The following TFDP2 variants were observed in gnomAD, a reference collection of about 807,000 sequenced individuals.
TFDP2 encodes transcription factor Dp-2.
TFDP2 carries 17 observed loss-of-function variants against 59.3 expected under a neutral mutation model. The observed-to-expected ratio is 0.29, with a 90% CI of 0.20 to 0.43. The LOEUF is 0.43. Among genes scored for constraint, TFDP2 ranks in the 20% least tolerant of loss-of-function variants. The probability of loss-of-function intolerance (pLI) is 1.00; values close to 1 mark genes in which losing one functional copy is unlikely to be tolerated. For synonymous variants in TFDP2, 180 were observed against 194.7 expected, an observed-to-expected ratio of 0.92 and a Z score of 0.63; for missense variants, 391 against 528.8, an observed-to-expected ratio of 0.74 and a Z score of 2.56.
At chr3:141,964,580 A>G (rs970914843) in intron 9 of TFDP2, among the ~76,000 whole-genome samples, 2 of 152,208 alleles carry the variant, frequency 1.3e-5, no homozygotes, top group Non-Finnish European at 2.9e-5. Flanking sequence ...TGAATCCAGG[A>G]GGCAGAATTT....
rs553713217 is a variant in TFDP2 at position 142,092,587 on chromosome 3, G to T, written c.82+474C>A. Among the ~76,000 whole-genome samples, 6 of 152,240 alleles carry T rather than the reference G, an allele frequency of 3.9e-5. 1 individual carries two copies. The highest frequency in any genetic ancestry group is 1.4e-4 in the African/African-American group (6 of 41,516). On this transcript the variant is annotated intron_variant, in intron 3 of 12. Transcript: ENST00000489671. ...TTCTGCCTCGGCCTCCCAAAGTGCT[G>T]GGATTACAGGTGTGAGCCACTGCAC...
intron 1 of TFDP2, 123 bp downstream of exon 1, chr3:142,149,060 G>C (rs1448715187): frequency 2.5e-6 from 1 of 393,454 alleles, no homozygotes; most frequent in African/African-American, 2.1e-5. Context: ...GGTCTAAACA[G>C]ATGGGACTCG....
At chr3:142,118,806 C>T (rs558049693) in intron 1 of TFDP2, among the ~76,000 whole-genome samples, 8 of 152,154 alleles carry the variant, frequency 5.3e-5, no homozygotes, top group African/African-American at 1.9e-4. Flanking sequence ...GGAGGTTGAA[C>T]ATTAGTATTA....
At chr3:142,110,252 C>T (rs549871202) in intron 1 of TFDP2, among the ~76,000 whole-genome samples, 1 of 152,142 alleles carries the variant, frequency 6.6e-6, no homozygotes, top group African/African-American at 2.4e-5. Context: ...GTCTGTAATC[C>T]CAGCACTTTG....
At chr3:142,148,023 T>C (rs1296145549) in intron 1 of TFDP2, among the ~76,000 whole-genome samples, 3 of 148,020 alleles carry the variant, frequency 2.0e-5, no homozygotes, top group South Asian at 2.1e-4. Context: ...ATATAGAAAA[T>C]AGATGAATAT....
rs1050501337 is a variant in TFDP2 at position 142,149,510 on chromosome 3, C to T, written c.-420G>A. The T allele has an allele frequency of 5.9e-6, 2 of 339,560 alleles. No homozygotes were observed. Among genetic ancestry groups the T allele is most frequent in the African/African-American group, 2.1e-5 (1 of 46,936 alleles). The allele number at this position is 339,560 out of a possible 1,614,324, so 21.0% of individuals were successfully genotyped here. A position where few individuals can be genotyped will look rare whatever the true frequency, so the allele number is the denominator to read the frequency against. ...TGCCCAGCTACAGCCCCGCTTCCCC[C>T]GCGCGAGCTTTGGCGGCGGAGCAGC... On this transcript the variant is annotated 5_prime_UTR_variant, in exon 1 of 13. Transcript: ENST00000489671.
chr3:142,125,583 A>T (rs533163429), intron 1 of TFDP2, among the ~76,000 whole-genome samples: 32 of 152,308 alleles, frequency 2.1e-4, no homozygotes, highest in Non-Finnish European at 4.3e-4. Context: ...ATAACTGCGT[A>T]TCAATAGTAG....
At chr3:141,956,332 A>T (rs2107849671) in intron 11 of TFDP2, among the ~76,000 whole-genome samples, 1 of 152,268 alleles carries the variant, frequency 6.6e-6, no homozygotes, top group Non-Finnish European at 1.5e-5. Flanking sequence ...CGGGTGGATC[A>T]CCTGAGGTCA....
intron 1 of TFDP2, among the ~76,000 whole-genome samples, chr3:142,103,061 C>G (rs55781914): frequency 0.085 from 12,943 of 152,004 alleles, 691 homozygotes; most frequent in Middle Eastern, 0.14. Flanking sequence ...CATGGTGAAA[C>G]CCCTTCTCTA....
chr3:142,111,561 C>T (rs1052164067), intron 1 of TFDP2, among the ~76,000 whole-genome samples: 1 of 150,560 alleles, frequency 6.6e-6, no homozygotes, highest in Non-Finnish European at 1.5e-5. Context: ...AAAAAACACA[C>T]AAACTGAGTA....
At chr3:141,974,924 T>A (rs1186819822) in intron 7 of TFDP2, among the ~76,000 whole-genome samples, 2 of 144,080 alleles carry the variant, frequency 1.4e-5, no homozygotes, top group Non-Finnish European at 3.0e-5. Context: ...TTTTTTTTTT[T>A]TTTTTTTGAG....
At chr3:142,083,685 C>G (rs989804873) in intron 3 of TFDP2, among the ~76,000 whole-genome samples, 5 of 152,000 alleles carry the variant, frequency 3.3e-5, no homozygotes, top group African/African-American at 1.2e-4. Flanking sequence ...AATAGAGAAC[C>G]CAGAAATAAA....
intron 1 of TFDP2, among the ~76,000 whole-genome samples, chr3:142,116,899 T>C (rs2061869246): frequency 6.6e-6 from 1 of 152,148 alleles, no homozygotes; most frequent in Non-Finnish European, 1.5e-5. Context: ...CTTGGATTTT[T>C]CAGGTGTAAA....
At chr3:142,125,659 C>A (rs1329526256) in intron 1 of TFDP2, among the ~76,000 whole-genome samples, 2 of 152,042 alleles carry the variant, frequency 1.3e-5, no homozygotes, top group Non-Finnish European at 2.9e-5. Context: ...ATAGAGTGAC[C>A]TCCAGTATAA....
At chr3:142,096,024 G>A (rs931272274) in intron 2 of TFDP2, among the ~76,000 whole-genome samples, 7 of 152,098 alleles carry the variant, frequency 4.6e-5, no homozygotes, top group African/African-American at 9.7e-5. Context: ...CTGGGTTACC[G>A]TTATGCTTAA....
chr3:142,003,079 T>C (rs957564790), intron 4 of TFDP2, among the ~76,000 whole-genome samples: 2 of 151,850 alleles, frequency 1.3e-5, no homozygotes, highest in Non-Finnish European at 2.9e-5. Context: ...CTCTGCTCAC[T>C]ACAACTTCTT....
chr3:142,034,186 C>T (rs1256291271), intron 3 of TFDP2, among the ~76,000 whole-genome samples: 1 of 151,384 alleles, frequency 6.6e-6, no homozygotes, highest in Admixed American at 6.6e-5. Flanking sequence ...ACCTCCGCCT[C>T]CCAGGTTCAA....
intron 1 of TFDP2, among the ~76,000 whole-genome samples, chr3:142,144,327 T>A (rs1374467429): frequency 2.0e-5 from 3 of 151,324 alleles, no homozygotes; most frequent in Non-Finnish European, 4.4e-5. Flanking sequence ...TGAGCCGAGA[T>A]TGCACCACTG....
intron 1 of TFDP2, among the ~76,000 whole-genome samples, chr3:142,107,118 T>C (rs978793658): frequency 6.6e-6 from 1 of 152,210 alleles, no homozygotes; most frequent in South Asian, 2.1e-4. Flanking sequence ...GCCATAATCC[T>C]ACTTGTCAGA....
Sources: gnomAD v4.1 joint callset for allele counts (sites outside exome capture counted in the v4.1 genomes callset) on GRCh38, gnomAD v4.1.1 for gene constraint, MANE v1.5 for transcripts, NCBI Gene and HGNC (gene_info 2026-07-23, HGNC 2026-07-21) for gene names.